Variants in GRIN3A observed in about 807,000 individuals in gnomAD.
GRIN3A encodes glutamate receptor ionotropic, NMDA 3A.
In GRIN3A, 47 loss-of-function variants were observed where a neutral mutation model predicts 92.4. The observed-to-expected ratio is 0.51, with a 90% confidence interval of 0.40 to 0.65. The LOEUF (loss-of-function observed/expected upper bound fraction) is 0.65. Ranked by LOEUF, GRIN3A falls within the 30% of genes least tolerant of loss-of-function variation. The pLI is 0.00. For missense variants in GRIN3A, 1,324 were observed against 1,393.1 expected, an observed-to-expected ratio of 0.95 and a Z score of 0.79; for synonymous variants, 527 against 540.6, an observed-to-expected ratio of 0.97 and a Z score of 0.35.
intron 1 of GRIN3A, among the ~76,000 whole-genome samples, chr9:101,734,127 A>G (rs1352441198): frequency 6.6e-6 from 1 of 152,194 alleles, no homozygotes; most frequent in African/African-American, 2.4e-5. Context: ...TGTACTTGTC[A>G]CTACTTCAGC....
chr9:101,637,405 G>C (rs1828799569), intron 3 of GRIN3A, among the ~76,000 whole-genome samples: 1 of 152,152 alleles, frequency 6.6e-6, no homozygotes. Context: ...ACAGGTGGGA[G>C]CTAGGGCATA....
intron 2 of GRIN3A, among the ~76,000 whole-genome samples, chr9:101,679,002 T>C (rs1829435132): frequency 3.3e-5 from 5 of 152,224 alleles, no homozygotes; most frequent in Admixed American, 3.3e-4. Flanking sequence ...CTGGTCACAC[T>C]GTGAAACATC....
intron 3 of GRIN3A, among the ~76,000 whole-genome samples, chr9:101,668,824 A>T (rs976753844): frequency 2.0e-5 from 3 of 152,164 alleles, no homozygotes; most frequent in Admixed American, 6.5e-5. Context: ...TCTATGAAAA[A>T]TCTTTAAAGC....
intron 1 of GRIN3A, among the ~76,000 whole-genome samples, chr9:101,702,137 A>T (rs186176359): frequency 6.6e-6 from 1 of 152,224 alleles, no homozygotes; most frequent in East Asian, 1.9e-4. Context: ...CTCTGTCTCT[A>T]CTAAAAATAC....
rs1259032381 is a variant in GRIN3A, at chr9:101,737,283, G to T, written c.697C>A (p.Gln233Lys). Residue 233 changes from glutamine to lysine, a missense_variant and splice_region_variant, in exon 1 of 9, where the codon CAG becomes AAG. Physicochemically the swap from Gln to Lys is moderately conservative, Grantham distance 53. Coordinates refer to ENST00000361820, the MANE Select transcript of GRIN3A (RefSeq NM_133445.3). ...TCCACGCACCAGGCTCCTCTCACCT[G>T]ACTCTCCCGTGGAAACTCGTGGCGC... ...IVRHEFPRESQNPLHLQLSLE... is the reference protein window; with the variant it reads ...IVRHEFPRESKNPLHLQLSLE... 6.2e-7 allele frequency: 1 copy of T among 1,613,820 alleles called. No individual in the cohort carries two copies. Among genetic ancestry groups the T allele is most frequent in the Non-Finnish European group, 8.5e-7 (1 of 1,179,752 alleles).
chr9:101,682,572 G>C (rs377195044), intron 2 of GRIN3A, among the ~76,000 whole-genome samples: 4 of 152,108 alleles, frequency 2.6e-5, no homozygotes, highest in African/African-American at 9.7e-5. Context: ...TTGTCTACCC[G>C]ACCATAGTTC....
rs757893027 is a variant in GRIN3A at position 101,670,111 on chromosome 9, G to A, written c.2301C>T (p.Val767=). ...CTTCATAGATCTTCTCACCTACCATGACAGCAGCCAAGTTTGCCGTGTATG... is the reference window on the plus strand; with the variant it reads ...CTTCATAGATCTTCTCACCTACCATAACAGCAGCCAAGTTTGCCGTGTATG... ...LSTYTANLAA[V]MVGEKIYEEL... The change falls in exon 3 of 9, where the codon GTC becomes GTT. Residue 767 remains valine (V), a synonymous_variant. Coordinates refer to ENST00000361820, the MANE Select transcript of GRIN3A (RefSeq NM_133445.3). 28 of 1,613,718 alleles carry A rather than the reference G, an allele frequency of 1.7e-5. No individual in the cohort carries two copies. The African/African-American group carries it at 3.7e-4, about 22-fold the overall frequency.
chr9:101,614,707 C>A (rs1304451348), intron 5 of GRIN3A, among the ~76,000 whole-genome samples: 1 of 143,516 alleles, frequency 7.0e-6, no homozygotes, highest in Non-Finnish European at 1.5e-5. Context: ...GCAACCTTGA[C>A]CTCCTGGGCT....
At chr9:101,704,989 A>T (rs1001783884) in intron 1 of GRIN3A, among the ~76,000 whole-genome samples, 1 of 152,124 alleles carries the variant, frequency 6.6e-6, no homozygotes, top group Non-Finnish European at 1.5e-5. Context: ...GGAGGCAGAT[A>T]TTAATAAGAT....
At chr9:101,683,812 A>C (rs1385589718) in intron 2 of GRIN3A, among the ~76,000 whole-genome samples, 2 of 151,110 alleles carry the variant, frequency 1.3e-5, no homozygotes, top group African/African-American at 4.9e-5. Context: ...ATACTAACCT[A>C]ACATCCCACC....
intron 1 of GRIN3A, among the ~76,000 whole-genome samples, chr9:101,725,602 T>G (rs184146992): frequency 2.6e-5 from 4 of 152,204 alleles, no homozygotes; most frequent in African/African-American, 9.6e-5. Flanking sequence ...CACAAAGAGA[T>G]AAATTCAGTA....
intron 6 of GRIN3A, chr9:101,595,083 C>A (rs962286730): frequency 3.1e-6 from 2 of 646,538 alleles, no homozygotes; most frequent in Admixed American, 3.3e-5. Context: ...GAGGGAGGGG[C>A]GGCAGGTCAG....
At chr9:101,665,922 A>G (rs1293061645) in intron 3 of GRIN3A, among the ~76,000 whole-genome samples, 2 of 151,966 alleles carry the variant, frequency 1.3e-5, no homozygotes, top group Non-Finnish European at 2.9e-5. Context: ...GCTAATTCTC[A>G]TGGTTTGTTC....
At chr9:101,685,620 G>T (rs1829524128) in intron 2 of GRIN3A, among the ~76,000 whole-genome samples, 1 of 151,746 alleles carries the variant, frequency 6.6e-6, no homozygotes, top group African/African-American at 2.4e-5. Context: ...ATGATGTGTT[G>T]TTCTCTATTT....
intron 1 of GRIN3A, among the ~76,000 whole-genome samples, chr9:101,727,720 T>C (rs911734257): frequency 1.3e-5 from 2 of 151,718 alleles, no homozygotes; most frequent in Admixed American, 1.3e-4. Flanking sequence ...TTAATCTACA[T>C]TTTCCACAGT....
chr9:101,711,481 T>A (rs1463360211), intron 1 of GRIN3A, among the ~76,000 whole-genome samples: 1 of 152,188 alleles, frequency 6.6e-6, no homozygotes, highest in Non-Finnish European at 1.5e-5. Context: ...GAGGGGAGAC[T>A]ACTGTATTCC....
At chr9:101,721,876 A>G (rs1353077817) in intron 1 of GRIN3A, among the ~76,000 whole-genome samples, 1 of 152,222 alleles carries the variant, frequency 6.6e-6, no homozygotes, top group East Asian at 1.9e-4. Flanking sequence ...AACAGAACAC[A>G]AAGGTTCAGA....
chr9:101,646,496 T>C (rs1165336870), intron 3 of GRIN3A, among the ~76,000 whole-genome samples: 1 of 152,014 alleles, frequency 6.6e-6, no homozygotes, highest in African/African-American at 2.4e-5. Context: ...GCTTTAGCTA[T>C]TTGGAGCCTT....
chr9:101,648,874 T>C (rs1828974347), intron 3 of GRIN3A, among the ~76,000 whole-genome samples: 1 of 152,062 alleles, frequency 6.6e-6, no homozygotes, highest in Admixed American at 6.6e-5. Flanking sequence ...AGAACTTTAC[T>C]TCTAATGTCA....
Sources: allele counts gnomAD v4.1 joint callset (sites outside exome capture counted in the v4.1 genomes callset), GRCh38; gene constraint gnomAD v4.1.1; transcripts MANE v1.5; gene names NCBI Gene and HGNC (gene_info 2026-07-23, HGNC 2026-07-21).